Variants in CSMD1 observed in about 807,000 individuals in gnomAD.
CSMD1 encodes CUB and sushi domain-containing protein 1.
CSMD1 carries 213 observed loss-of-function variants against 417.5 expected under a neutral mutation model. The ratio of observed to expected loss-of-function variants is 0.51; its 90% CI spans 0.46 to 0.57. The LOEUF is 0.57. Ranked by LOEUF, CSMD1 falls within the 20% of genes least tolerant of loss-of-function variation. The probability of loss-of-function intolerance (pLI) is 0.00; values close to 1 mark genes in which losing one functional copy is unlikely to be tolerated. For missense variants in CSMD1, 6,923 were observed against 4,529.7 expected (o/e 1.53, Z -15.17); for synonymous variants, 2,862 against 1,736.8 (o/e 1.65, Z -16.11).
chr8:3,529,886 G>A (rs953569590), intron 10 of CSMD1, among the ~76,000 whole-genome samples: 1 of 152,152 alleles, frequency 6.6e-6, no homozygotes, highest in Admixed American at 6.5e-5. Context: ...AGCAGGGCAA[G>A]CTGCTTATGG....
intron 1 of CSMD1, among the ~76,000 whole-genome samples, chr8:4,840,037 G>C (rs192576089): frequency 1.3e-5 from 2 of 152,154 alleles, no homozygotes; most frequent in South Asian, 2.1e-4. Context: ...CTGGTTTGGG[G>C]TTCACAGCTA....
intron 1 of CSMD1, among the ~76,000 whole-genome samples, chr8:4,938,440 C>T (rs746855760): frequency 3.3e-5 from 5 of 152,180 alleles, no homozygotes; most frequent in Non-Finnish European, 7.3e-5. Context: ...TGCATACTCA[C>T]TTGTTCTCTA....
intron 7 of CSMD1, among the ~76,000 whole-genome samples, chr8:3,691,274 A>T (rs927525535): frequency 3.3e-5 from 5 of 152,020 alleles, no homozygotes; most frequent in African/African-American, 1.2e-4. Flanking sequence ...AGGCTGAAGC[A>T]GGAGATCACT....
intron 5 of CSMD1, among the ~76,000 whole-genome samples, chr8:3,825,203 G>A (rs1336000483): frequency 6.6e-6 from 1 of 152,088 alleles, no homozygotes; most frequent in Admixed American, 6.6e-5. Context: ...CCCTGAAGGA[G>A]TCATAAAATA....
chr8:4,985,978 G>C (rs1811158607), intron 1 of CSMD1, among the ~76,000 whole-genome samples: 1 of 152,136 alleles, frequency 6.6e-6, no homozygotes, highest in African/African-American at 2.4e-5. Flanking sequence ...TTCTTAGTTT[G>C]CCAAGGTCTC....
chr8:4,583,991 G>A (rs369306549), intron 2 of CSMD1, among the ~76,000 whole-genome samples: 7 of 151,720 alleles, frequency 4.6e-5, no homozygotes, highest in East Asian at 1.9e-4. Context: ...CAAGCCCACC[G>A]GGAGGGGAGG....
At chr8:4,481,705 G>C (rs1011135444) in intron 2 of CSMD1, among the ~76,000 whole-genome samples, 1 of 152,152 alleles carries the variant, frequency 6.6e-6, no homozygotes, top group Non-Finnish European at 1.5e-5. Flanking sequence ...TATTTGGTTT[G>C]TTCCATATAT....
rs1327999203 is a variant in CSMD1, at chr8:3,399,491, T to C, written c.2305A>G (p.Ile769Val). Residue 769 changes from isoleucine to valine, a missense_variant, in exon 16 of 70, where the codon ATT (isoleucine) becomes GTT (valine). By Grantham distance (29) the Ile-to-Val change is conservative. Coordinates refer to ENST00000635120, the MANE Select transcript of CSMD1 (RefSeq NM_033225.6). ...TATCCTGGCCATCCAGGAGGCAAAATGACTCCGCTGGACGCTGTCAGATGT... is the reference window on the plus strand; with the variant it reads ...TATCCTGGCCATCCAGGAGGCAAAACGACTCCGCTGGACGCTGTCAGATGT... ...GGHLTASSGV[I>V]LPPGWPGYYK... 2 of 1,610,016 alleles carry C rather than the reference T, an allele frequency of 1.2e-6. No individual in the cohort carries two copies. The highest frequency in any genetic ancestry group is 1.7e-6 in the Non-Finnish European group (2 of 1,178,168).
intron 5 of CSMD1, among the ~76,000 whole-genome samples, chr8:3,975,213 T>C (rs756435444): frequency 4.9e-4 from 75 of 152,318 alleles, no homozygotes; most frequent in Non-Finnish European, 2.9e-4. Flanking sequence ...TGTTACATAA[T>C]TGATTACTTG....
At chr8:4,241,597 C>A (rs1031768135) in intron 3 of CSMD1, among the ~76,000 whole-genome samples, 1 of 152,050 alleles carries the variant, frequency 6.6e-6, no homozygotes, top group Non-Finnish European at 1.5e-5. Context: ...ACCCGGAACA[C>A]AAGTTTAGAG....
At chr8:3,036,412 C>A (rs1208458799) in intron 50 of CSMD1, among the ~76,000 whole-genome samples, 2 of 152,162 alleles carry the variant, frequency 1.3e-5, no homozygotes, top group East Asian at 1.9e-4. Context: ...AGAGAAGTCT[C>A]CCCTATCGTA....
At chr8:3,561,619 G>C (rs76656133) in intron 10 of CSMD1, among the ~76,000 whole-genome samples, 5 of 152,136 alleles carry the variant, frequency 3.3e-5, no homozygotes, top group African/African-American at 7.2e-5. Context: ...TGGTCACTCC[G>C]AAAGTGAGGA....
intron 37 of CSMD1, among the ~76,000 whole-genome samples, chr8:3,171,766 T>G (rs144634073): frequency 2.1e-3 from 318 of 152,346 alleles, no homozygotes; most frequent in African/African-American, 7.3e-3. Context: ...ACAATATACT[T>G]CTATATCTAG....
chr8:4,042,987 C>G (rs1274882530), intron 3 of CSMD1, among the ~76,000 whole-genome samples: 1 of 151,596 alleles, frequency 6.6e-6, no homozygotes, highest in Non-Finnish European at 1.5e-5. Context: ...AAAAAATTAG[C>G]TGGGTGTGGT....
At chr8:4,961,460 T>A (rs1809478661) in intron 1 of CSMD1, among the ~76,000 whole-genome samples, 1 of 152,142 alleles carries the variant, frequency 6.6e-6, no homozygotes, top group African/African-American at 2.4e-5. Flanking sequence ...ATTTCCTCAA[T>A]ACAGTGAAAC....
intron 68 of CSMD1, among the ~76,000 whole-genome samples, chr8:2,948,021 A>G (rs1430419990): frequency 1.3e-5 from 2 of 151,866 alleles, no homozygotes; most frequent in Non-Finnish European, 2.9e-5. Flanking sequence ...ATCAGTGGTA[A>G]TCATTACAAA....
At chr8:4,273,831 G>A (rs186458361) in intron 3 of CSMD1, among the ~76,000 whole-genome samples, 7 of 152,088 alleles carry the variant, frequency 4.6e-5, no homozygotes, top group Non-Finnish European at 7.4e-5. Context: ...TTCTCCAAAT[G>A]GTTGTGAAGG....
At chr8:4,019,122 G>C (rs187969834) in intron 4 of CSMD1, among the ~76,000 whole-genome samples, 5 of 152,054 alleles carry the variant, frequency 3.3e-5, no homozygotes, top group Non-Finnish European at 7.4e-5. Context: ...TTTGTACTAG[G>C]CCATGGTATC....
rs529557241 is a variant in CSMD1, at chr8:4,423,191, G to A, written c.303-3126C>T. ...GCTTTGAACATTCTTATTCAATATC[G>A]TGCTGGAATATCCTGCAAATACAAT... On this transcript the variant is annotated intron_variant, in intron 2 of 69. Coordinates refer to ENST00000635120, the MANE Select transcript of CSMD1 (RefSeq NM_033225.6). 5.9e-5 allele frequency among the ~76,000 whole-genome samples: 9 copies of A among 152,122 alleles called. No homozygotes were observed. In the South Asian group the frequency reaches 8.3e-4, roughly 14 times the overall value.
Sources: gnomAD v4.1 joint callset for allele counts (sites outside exome capture counted in the v4.1 genomes callset) on GRCh38, gnomAD v4.1.1 for gene constraint, MANE v1.5 for transcripts, NCBI Gene and HGNC (gene_info 2026-07-23, HGNC 2026-07-21) for gene names.